CEP128: variants seen among roughly 807,000 people sequenced by gnomAD.
CEP128 encodes centrosomal protein 128kDa.
Under a neutral mutation model 156.7 loss-of-function variants are expected in CEP128, and 132 were observed. The ratio of observed to expected loss-of-function variants is 0.84; its 90% CI spans 0.73 to 0.97. CEP128 has a LOEUF of 0.97. Ranked by LOEUF, CEP128 falls within the 50% of genes least tolerant of loss-of-function variation. CEP128 has a pLI of 0.00. For synonymous variants in CEP128, 469 were observed against 448.9 expected (o/e 1.04, Z -0.57); for missense variants, 1,252 against 1,281.9 (o/e 0.98, Z 0.36).
intron 19 of CEP128, among the ~76,000 whole-genome samples, chr14:80,636,050 C>T (rs1232780768): frequency 6.6e-6 from 1 of 152,180 alleles, no homozygotes; most frequent in Admixed American, 6.5e-5. Flanking sequence ...ATCTGAAACG[C>T]TTCTGGTCCC....
intron 21 of CEP128, among the ~76,000 whole-genome samples, chr14:80,541,657 C>T (rs1889769305): frequency 6.6e-6 from 1 of 152,030 alleles, no homozygotes; most frequent in South Asian, 2.1e-4. Flanking sequence ...TATCTAAATA[C>T]TGCTAATTAA....
At chr14:80,848,391 G>A (rs1405981662) in intron 9 of CEP128, among the ~76,000 whole-genome samples, 2 of 152,198 alleles carry the variant, frequency 1.3e-5, no homozygotes, top group African/African-American at 4.8e-5. Flanking sequence ...TGGGCATGGT[G>A]GCTCGTGCCT....
chr14:80,899,831 T>C (rs1883427055), intron 7 of CEP128, 107 bp downstream of exon 7: 3 of 774,948 alleles, frequency 3.9e-6, no homozygotes, highest in Non-Finnish European at 4.3e-6. Flanking sequence ...AGGTACTGTA[T>C]ACAAACACAA....
chr14:80,740,849 C>T (rs1898796385), intron 19 of CEP128, among the ~76,000 whole-genome samples: 1 of 152,122 alleles, frequency 6.6e-6, no homozygotes, highest in South Asian at 2.1e-4. Context: ...AGCCTTGGTA[C>T]AGTACACGCT....
intron 8 of CEP128, among the ~76,000 whole-genome samples, chr14:80,888,150 C>G (rs1431359462): frequency 6.6e-6 from 1 of 151,814 alleles, no homozygotes. Context: ...GCCTACCAAC[C>G]AAAAAAAGCC....
intron 23 of CEP128, among the ~76,000 whole-genome samples, chr14:80,521,354 T>C (rs1187977919): frequency 6.6e-6 from 1 of 152,198 alleles, no homozygotes; most frequent in African/African-American, 2.4e-5. Flanking sequence ...GGTAAAAGCA[T>C]GTGGCTTGCT....
At chr14:80,563,386 T>A (rs1455276837) in intron 20 of CEP128, among the ~76,000 whole-genome samples, 1 of 152,122 alleles carries the variant, frequency 6.6e-6, no homozygotes, top group Non-Finnish European at 1.5e-5. Context: ...ATTTTTGTGG[T>A]AATAGACTTT....
At chr14:80,788,743 C>T (rs575831175) in intron 14 of CEP128, among the ~76,000 whole-genome samples, 18 of 152,220 alleles carry the variant, frequency 1.2e-4, no homozygotes, top group African/African-American at 3.9e-4. Context: ...CTTCTCCTCT[C>T]GGTCAACCCT....
intron 19 of CEP128, among the ~76,000 whole-genome samples, chr14:80,741,618 A>T (rs1247501115): frequency 6.6e-6 from 1 of 152,138 alleles, no homozygotes; most frequent in East Asian, 1.9e-4. Context: ...ACTTACTATG[A>T]CATTAAATCA....
At chr14:80,546,890 T>C (rs1276004489) in intron 21 of CEP128, among the ~76,000 whole-genome samples, 1 of 152,222 alleles carries the variant, frequency 6.6e-6, no homozygotes, top group Non-Finnish European at 1.5e-5. Context: ...TTGGGGCATA[T>C]GATAGGATGA....
intron 18 of CEP128, among the ~76,000 whole-genome samples, chr14:80,753,358 T>C (rs529537257): frequency 6.6e-6 from 1 of 152,194 alleles, no homozygotes; most frequent in African/African-American, 2.4e-5. Flanking sequence ...CAAAAAAGTA[T>C]ATAAATTCAC....
At chr14:80,619,294 T>C (rs1037474896) in intron 19 of CEP128, among the ~76,000 whole-genome samples, 1 of 151,274 alleles carries the variant, frequency 6.6e-6, no homozygotes, top group Admixed American at 6.6e-5. Flanking sequence ...GAAAGACTGG[T>C]ACAACCAAAA....
At chr14:80,620,934 A>G (rs1474110493) in intron 19 of CEP128, among the ~76,000 whole-genome samples, 1 of 152,200 alleles carries the variant, frequency 6.6e-6, no homozygotes, top group African/African-American at 2.4e-5. Flanking sequence ...AATTCAAACA[A>G]GTTATGGGTA....
At position 80,512,308 on chromosome 14, in the gene CEP128, C is replaced by T. The variant is rs142053673; in HGVS notation, c.3073-7288G>A. 2.6e-5 allele frequency among the ~76,000 whole-genome samples: 4 copies of T among 152,084 alleles called. No individual in the cohort carries two copies. The East Asian group carries it at 7.7e-4, about 29-fold the overall frequency. ...TTATATCCTCTTCCTGAATGCACCC[C>T]TTTATCATTATATGATAACCTTGTC... On this transcript the variant is annotated intron_variant, in intron 23 of 24. Transcript: ENST00000555265.
rs1387407228 is a variant in CEP128 at position 80,536,530 on chromosome 14, TG to T, written c.2881-5645del. Among the ~76,000 whole-genome samples the T allele has an allele frequency of 5.3e-5, 8 of 152,334 alleles. No homozygotes were observed. In the East Asian group the frequency reaches 1.5e-3, roughly 29 times the overall value. ...CTATTTCATTTGGAAACAGATCCAC[TG>T]CAAAACTTTCCTGACAAATGGCTGA... On this transcript the variant is annotated intron_variant, in intron 21 of 24. Transcript: ENST00000555265.
At chr14:80,775,513 G>C (rs1900741480) in intron 16 of CEP128, among the ~76,000 whole-genome samples, 1 of 152,154 alleles carries the variant, frequency 6.6e-6, no homozygotes, top group African/African-American at 2.4e-5. Flanking sequence ...GCCATTTTAG[G>C]ATACAGAGAC....
intron 8 of CEP128, among the ~76,000 whole-genome samples, chr14:80,868,542 G>A (rs761811068): frequency 6.6e-6 from 1 of 151,684 alleles, no homozygotes; most frequent in Non-Finnish European, 1.5e-5. Context: ...TACCACTACA[G>A]AAAATTATCA....
chr14:80,509,349 G>C (rs536987256), intron 23 of CEP128, among the ~76,000 whole-genome samples: 1 of 152,190 alleles, frequency 6.6e-6, no homozygotes, highest in Non-Finnish European at 1.5e-5. Flanking sequence ...CTTTAACTGA[G>C]GTGAGATGAT....
intron 8 of CEP128, among the ~76,000 whole-genome samples, chr14:80,866,419 C>T (rs748466942): frequency 7.2e-5 from 11 of 152,176 alleles, no homozygotes; most frequent in Non-Finnish European, 1.0e-4. Context: ...CCACAGAAGA[C>T]CCAAAGTCAA....
Sources: allele counts gnomAD v4.1 joint callset (sites outside exome capture counted in the v4.1 genomes callset), GRCh38; gene constraint gnomAD v4.1.1; transcripts MANE v1.5; gene names NCBI Gene and HGNC (gene_info 2026-07-23, HGNC 2026-07-21).